Variants in MTAP observed in about 807,000 individuals in gnomAD.
MTAP encodes S-methyl-5'-thioadenosine phosphorylase.
A neutral mutation model predicts 33.6 loss-of-function variants in MTAP; 33 were observed. The observed-to-expected ratio is 0.98, with a 90% CI of 0.74 to 1.31. MTAP has a LOEUF of 1.31. Ranked by LOEUF, MTAP falls within the 40% of genes most tolerant of loss-of-function variation. The probability of loss-of-function intolerance (pLI) is 0.00; values close to 1 mark genes in which losing one functional copy is unlikely to be tolerated. For synonymous variants in MTAP, 148 were observed against 125.7 expected (o/e 1.18, Z -1.19); for missense variants, 367 against 360.0 (o/e 1.02, Z -0.16).
chr9:21,932,764 C>T (rs1818983324), downstream of MTAP: 1 of 152,178 alleles, frequency 6.6e-6, no homozygotes, highest in African/African-American at 2.4e-5. Flanking sequence ...ATTTAGCCAA[C>T]TCTACATGTA....
intron 1 of MTAP, among the ~76,000 whole-genome samples, chr9:21,910,846 C>T (rs80080061): frequency 1.3e-5 from 2 of 152,038 alleles, no homozygotes; most frequent in African/African-American, 2.4e-5. Context: ...TCTTCAAGTC[C>T]GCATCCCCCA....
intron 5 of MTAP, among the ~76,000 whole-genome samples, chr9:21,846,949 G>A (rs577614864): frequency 7.9e-4 from 121 of 152,254 alleles, no homozygotes; most frequent in African/African-American, 2.7e-3. Context: ...ATTGATCCTG[G>A]GTGTGTCTGT....
rs767970085 is a variant in MTAP, at chr9:21,922,820, C to A, written c.148-8188C>A. Among the ~76,000 whole-genome samples the A allele has an allele frequency of 6.6e-6, 1 of 152,156 alleles. No individual in the cohort carries two copies. Among genetic ancestry groups the A allele is most frequent in the Non-Finnish European group, 1.5e-5 (1 of 68,024 alleles). ...CGGTGGCTTACAGGGGTAGGAAGGA[C>A]CTTGGAGTCCACACCATGTAGACCT... On this transcript the variant is annotated intron_variant, in intron 1 of 1. Transcript: ENST00000577563. The surrounding 1 kb of genome is among the most constrained non-coding windows in gnomAD (Gnocchi z 4.8).
intron 4 of MTAP, among the ~76,000 whole-genome samples, chr9:21,819,198 T>A (rs1758255996): frequency 6.6e-6 from 1 of 152,018 alleles, no homozygotes; most frequent in African/African-American, 2.4e-5. Flanking sequence ...CGTGCAGGTT[T>A]GTTACATATG....
At chr9:21,938,100 C>T (rs1242206359), downstream of MTAP, among the ~76,000 whole-genome samples, 2 of 152,050 alleles carry the variant, frequency 1.3e-5, no homozygotes, top group East Asian at 3.9e-4. Flanking sequence ...AGGTGAAACC[C>T]CATCTCTACT....
chr9:21,848,733 G>A (rs1825439689), intron 5 of MTAP, among the ~76,000 whole-genome samples: 1 of 152,180 alleles, frequency 6.6e-6, no homozygotes. Context: ...TCTTTGAAGA[G>A]CCCTGTAATT....
At chr9:21,878,082 T>G (rs1826036403) in intron 1 of MTAP, among the ~76,000 whole-genome samples, 1 of 152,158 alleles carries the variant, frequency 6.6e-6, no homozygotes, top group South Asian at 2.1e-4. Flanking sequence ...TGGTTCAGTC[T>G]TGGGAGGTGT....
At chr9:21,894,828 A>C (rs546770576) in intron 1 of MTAP, among the ~76,000 whole-genome samples, 136 of 152,180 alleles carry the variant, frequency 8.9e-4, no homozygotes, top group African/African-American at 3.1e-3. Flanking sequence ...AAACTTCAGC[A>C]ACATTTTAGG....
chr9:21,864,804 C>T lies in MTAP; in HGVS notation c.*2790C>T, dbSNP rs534299977. 1.0e-6 allele frequency: 1 copy of T among 985,482 alleles called. No homozygotes were observed. 61.0% of individuals were successfully genotyped at this position (985,482 alleles called of 1,614,324 possible). A position where few individuals can be genotyped will look rare whatever the true frequency, so the allele number is the denominator to read the frequency against. Reference sequence around the variant, plus strand: ...CCTGAGCCAGCTGCCCTGCAGGTGCCACGTGAGCCTGCTCTGGCATCCACA... The same window carrying T: ...CCTGAGCCAGCTGCCCTGCAGGTGCTACGTGAGCCTGCTCTGGCATCCACA... On this transcript the variant is annotated 3_prime_UTR_variant, in exon 8 of 8. Transcript: ENST00000644715.
At chr9:21,913,573 A>G (rs946558163) in intron 1 of MTAP, among the ~76,000 whole-genome samples, 16 of 152,242 alleles carry the variant, frequency 1.1e-4, no homozygotes, top group Non-Finnish European at 1.9e-4. Flanking sequence ...CTGGCTAGCC[A>G]TATGCAGAAA....
intron 1 of MTAP, among the ~76,000 whole-genome samples, chr9:21,902,547 A>G (rs1183989722): frequency 6.6e-6 from 1 of 152,258 alleles, no homozygotes; most frequent in East Asian, 1.9e-4. Flanking sequence ...AGTTTTCTAC[A>G]TAACCAGTGA....
At chr9:21,841,667 A>G (rs542742081) in intron 5 of MTAP, among the ~76,000 whole-genome samples, 1 of 152,346 alleles carries the variant, frequency 6.6e-6, no homozygotes, top group East Asian at 1.9e-4. Context: ...GGCTAGACCC[A>G]GAAGAGCAAT....
intron 1 of MTAP, among the ~76,000 whole-genome samples, chr9:21,929,043 G>C (rs1818911864): frequency 1.3e-5 from 2 of 152,020 alleles, no homozygotes; most frequent in Non-Finnish European, 2.9e-5. Context: ...TTAAAGCTTG[G>C]AAGGTTGAAA....
chr9:21,822,238 A>G (rs1352743297), intron 4 of MTAP, among the ~76,000 whole-genome samples: 3 of 151,812 alleles, frequency 2.0e-5, no homozygotes, highest in Non-Finnish European at 2.9e-5. Context: ...TCAATTTTAG[A>G]TCTCTCTTGC....
At chr9:21,883,302 G>T (rs1327182682) in intron 1 of MTAP, among the ~76,000 whole-genome samples, 1 of 151,996 alleles carries the variant, frequency 6.6e-6, no homozygotes, top group Non-Finnish European at 1.5e-5. Context: ...AGTGATAAGA[G>T]AAATGAAAAT....
chr9:21,938,273 C>CAAA (rs373456978), downstream of MTAP, among the ~76,000 whole-genome samples: 5 of 113,018 alleles, frequency 4.4e-5, no homozygotes, highest in Admixed American at 2.8e-4. Flanking sequence ...GAGTCCTTCT[C>CAAA]AAAAAAAAAA....
At chr9:21,925,361 T>C (rs1471407107) in intron 1 of MTAP, among the ~76,000 whole-genome samples, 1 of 152,146 alleles carries the variant, frequency 6.6e-6, no homozygotes, top group East Asian at 1.9e-4. Context: ...GAGGAAACTC[T>C]AAAAACTAGC....
intron 4 of MTAP, among the ~76,000 whole-genome samples, chr9:21,825,926 A>C (rs1240846248): frequency 6.7e-6 from 1 of 149,254 alleles, no homozygotes; most frequent in Non-Finnish European, 1.5e-5. Context: ...GCTGTTGTCC[A>C]TTTATGTGTC....
At chr9:21,931,859 G>C (rs974809979), downstream of MTAP, 1 of 152,000 alleles carries the variant, frequency 6.6e-6, no homozygotes, top group Admixed American at 6.6e-5. Flanking sequence ...TCTGCCTTAT[G>C]CCCCTTGGAA....
Sources: allele counts gnomAD v4.1 joint callset (sites outside exome capture counted in the v4.1 genomes callset), GRCh38; gene constraint gnomAD v4.1.1; non-coding constraint Gnocchi (gnomAD v3.1); transcripts MANE v1.5; gene names NCBI Gene and HGNC (gene_info 2026-07-23, HGNC 2026-07-21).